SYCP1: variants seen among roughly 807,000 people sequenced by gnomAD.
SYCP1 encodes cancer/testis antigen 8.
Under a neutral mutation model 153.1 loss-of-function variants are expected in SYCP1, and 64 were observed. That is an observed-to-expected ratio of 0.42 (90% confidence interval 0.34 to 0.51). SYCP1 has a LOEUF of 0.51. Ranked by LOEUF, SYCP1 falls within the 20% of genes least tolerant of loss-of-function variation. The pLI, the probability that SYCP1 is intolerant of heterozygous loss-of-function variation, is 0.06. For missense variants in SYCP1, 997 were observed against 1,049.0 expected (o/e 0.95, Z 0.68); for synonymous variants, 384 against 341.8 (o/e 1.12, Z -1.36).
intron 16 of SYCP1, among the ~76,000 whole-genome samples, chr1:114,906,642 A>C (rs1255686689): frequency 6.6e-6 from 1 of 152,090 alleles, no homozygotes; most frequent in South Asian, 2.1e-4. Flanking sequence ...TTCAATTTCC[A>C]TGTATTTGGA....
At chr1:114,981,204 T>G (rs1673130955) in intron 28 of SYCP1, 132 bp from the exon 29 acceptor site, 1 of 633,028 alleles carries the variant, frequency 1.6e-6, no homozygotes, top group Non-Finnish European at 2.6e-6. Context: ...ACTTATCTAG[T>G]CAGTGATAAA....
Position 114,857,156 on chromosome 1 carries a change from A to AAG in SYCP1, c.194-72_194-71dup, listed in dbSNP as rs1553183151. 1,183 of 920,460 alleles carry AAG rather than the reference A, an allele frequency of 1.3e-3. 3 individuals carry two copies. The highest frequency in any genetic ancestry group is 3.5e-3 in the Middle Eastern group (9 of 2,552). The allele number at this position is 920,460 out of a possible 1,614,324, so 57.0% of individuals were successfully genotyped here. A position where few individuals can be genotyped will look rare whatever the true frequency, so the allele number is the denominator to read the frequency against. On this transcript the variant is annotated intron_variant, in intron 3 of 31. Transcript: ENST00000369522. ...TCTCTCAAAAAAAAAAAAAAAAAAA[A>AAG]AGAGAAAAAAGAAAAAAAAAAAGAA...
intron 27 of SYCP1, among the ~76,000 whole-genome samples, chr1:114,976,635 C>G (rs921288872): frequency 1.3e-5 from 2 of 151,670 alleles, no homozygotes; most frequent in African/African-American, 4.8e-5. Flanking sequence ...GTGCTTTGTC[C>G]TAAAAGACAG....
At position 114,995,088 on chromosome 1, in the gene SYCP1, T is replaced by A; in HGVS notation, c.*69T>A. ...TTATAGTTAATATTTTGTTCTTATT[T>A]GCCAGAGCCAAATTTTATCTGGAAG... On this transcript the variant is annotated 3_prime_UTR_variant, in exon 32 of 32. Coordinates refer to ENST00000369522, the MANE Select transcript of SYCP1 (RefSeq NM_003176.4). 1.4e-6 allele frequency: 2 copies of A among 1,419,970 alleles called. No homozygotes were observed. The highest frequency in any genetic ancestry group is 1.9e-6 in the Non-Finnish European group (2 of 1,072,854). The allele number at this position is 1,419,970 out of a possible 1,614,324, so 88.0% of individuals were successfully genotyped here. A position where few individuals can be genotyped will look rare whatever the true frequency, so the allele number is the denominator to read the frequency against.
At chr1:114,992,439 G>A (rs945962648) in intron 30 of SYCP1, among the ~76,000 whole-genome samples, 3 of 151,578 alleles carry the variant, frequency 2.0e-5, no homozygotes, top group East Asian at 1.9e-4. Flanking sequence ...ACTTGTATAA[G>A]GTCAGACAGG....
At chr1:114,906,349 T>A (rs948854129) in intron 16 of SYCP1, among the ~76,000 whole-genome samples, 1 of 152,114 alleles carries the variant, frequency 6.6e-6, no homozygotes, top group African/African-American at 2.4e-5. Context: ...ATTCTTTCTA[T>A]TGTTTTTCTG....
At chr1:114,959,044 A>G (rs1015174505) in intron 27 of SYCP1, among the ~76,000 whole-genome samples, 2 of 151,250 alleles carry the variant, frequency 1.3e-5, no homozygotes, top group Non-Finnish European at 2.9e-5. Context: ...TGTTGGTATC[A>G]TTTGCAACAC....
At chr1:114,865,092 G>A (rs1476301200) in intron 8 of SYCP1, among the ~76,000 whole-genome samples, 1 of 152,074 alleles carries the variant, frequency 6.6e-6, no homozygotes, top group Non-Finnish European at 1.5e-5. Flanking sequence ...AAAATTTGTA[G>A]TGTCACTTTC....
At chr1:114,978,618 T>A (rs1672947396) in intron 28 of SYCP1, among the ~76,000 whole-genome samples, 1 of 151,634 alleles carries the variant, frequency 6.6e-6, no homozygotes, top group South Asian at 2.1e-4. Flanking sequence ...AGTGATATAA[T>A]CTCCTAAGTT....
At chr1:114,955,998 AC>A (rs1265253702) in intron 27 of SYCP1, among the ~76,000 whole-genome samples, 1 of 152,180 alleles carries the variant, frequency 6.6e-6, no homozygotes, top group Non-Finnish European at 1.5e-5. Context: ...TTGGCAGTGA[AC>A]ATAATAGTTG....
intron 20 of SYCP1, among the ~76,000 whole-genome samples, chr1:114,921,708 G>A (rs1162728452): frequency 1.3e-5 from 2 of 151,340 alleles, no homozygotes; most frequent in African/African-American, 4.8e-5. Context: ...GTGTTATAAT[G>A]TTCTATGTAT....
Position 114,939,808 on chromosome 1 carries a change from C to T in SYCP1, c.1927-4531C>T, listed in dbSNP as rs12140173. On this transcript the variant is annotated intron_variant, in intron 23 of 31. Coordinates refer to ENST00000369522, the MANE Select transcript of SYCP1 (RefSeq NM_003176.4). ...TATGTCTCATTGAAGTTGAACTCAT[C>T]GACGAAAGCTACTGGGCCTAGAGTT... 8.7e-3 allele frequency among the ~76,000 whole-genome samples: 1,313 copies of T among 151,148 alleles called. 12 individuals carry two copies. Among genetic ancestry groups the T allele is most frequent in the Non-Finnish European group, 0.014 (948 of 67,564 alleles).
intron 27 of SYCP1, among the ~76,000 whole-genome samples, chr1:114,976,061 A>G (rs1261501389): frequency 6.6e-6 from 1 of 151,982 alleles, no homozygotes; most frequent in East Asian, 1.9e-4. Context: ...CAGTGAAAAA[A>G]TAGTGGCATT....
chr1:114,898,776 A>G (rs1314182349), intron 16 of SYCP1, among the ~76,000 whole-genome samples: 1 of 152,192 alleles, frequency 6.6e-6, no homozygotes, highest in Non-Finnish European at 1.5e-5. Flanking sequence ...ATTTCTACAT[A>G]GGACTTCTAG....
chr1:114,953,734 A>G (rs1408907173), intron 27 of SYCP1, among the ~76,000 whole-genome samples: 1 of 152,010 alleles, frequency 6.6e-6, no homozygotes, highest in East Asian at 1.9e-4. Context: ...TGATTCTCCT[A>G]CTTTATTTTT....
intron 7 of SYCP1, 35 bp downstream of exon 7, chr1:114,859,845 AT>A (rs1199228077): frequency 3.1e-5 from 19 of 613,748 alleles, no homozygotes; most frequent in Non-Finnish European, 3.8e-5. Flanking sequence ...TTCTTTTCAC[AT>A]TTTTTATTCC....
intron 16 of SYCP1, among the ~76,000 whole-genome samples, chr1:114,899,412 T>C (rs1180879204): frequency 1.3e-5 from 2 of 152,230 alleles, no homozygotes; most frequent in South Asian, 2.1e-4. Context: ...GCTCTTCTTT[T>C]CCTTGATATT....
At chr1:114,980,558 G>A (rs750051586) in intron 28 of SYCP1, among the ~76,000 whole-genome samples, 2 of 151,846 alleles carry the variant, frequency 1.3e-5, no homozygotes, top group African/African-American at 2.4e-5. Flanking sequence ...TGGTGGATAG[G>A]AAAAGGCTGA....
intron 8 of SYCP1, among the ~76,000 whole-genome samples, chr1:114,867,227 G>A (rs568219327): frequency 4.0e-5 from 6 of 151,846 alleles, no homozygotes; most frequent in Non-Finnish European, 5.9e-5. Flanking sequence ...TATCGTGTTC[G>A]CTCTTCTGAG....
Sources: allele counts gnomAD v4.1 joint callset (sites outside exome capture counted in the v4.1 genomes callset), GRCh38; gene constraint gnomAD v4.1.1; transcripts MANE v1.5; gene names NCBI Gene and HGNC (gene_info 2026-07-23, HGNC 2026-07-21).